The following LSP1 variants were observed in gnomAD, a reference collection of about 807,000 sequenced individuals.
The protein encoded by LSP1 is lymphocyte specific protein 1.
A neutral mutation model predicts 49.3 loss-of-function variants in LSP1; 32 were observed. That is an observed-to-expected ratio of 0.65 (90% CI 0.49 to 0.87). LSP1 has a LOEUF of 0.87. Among genes scored for constraint, LSP1 ranks in the 40% least tolerant of loss-of-function variants. The pLI is 0.00. For synonymous variants in LSP1, 179 were observed against 178.8 expected, an observed-to-expected ratio of 1.00 and a Z score of -0.01; for missense variants, 428 against 442.6, an observed-to-expected ratio of 0.97 and a Z score of 0.30.
At chr11:1,875,011 G>A (rs1221888628) in intron 1 of LSP1, among the ~76,000 whole-genome samples, 1 of 152,186 alleles carries the variant, frequency 6.6e-6, no homozygotes, top group African/African-American at 2.4e-5. Context: ...CTCCCTGTGT[G>A]ATGGGGTGGG....
intron 4 of LSP1, 77 bp downstream of exon 4, chr11:1,883,637 T>C (rs1848640475): frequency 6.7e-7 from 1 of 1,502,824 alleles, no homozygotes; most frequent in African/African-American, 1.4e-5. Context: ...TGCACCACTC[T>C]GTGGGCCCTG....
chr11:1,882,765 G>GA (rs1848598706), intron 3 of LSP1, among the ~76,000 whole-genome samples: 1 of 152,214 alleles, frequency 6.6e-6, no homozygotes, highest in East Asian at 1.9e-4. Context: ...TTGGGCGGGT[G>GA]GGTCTGGGTC....
intron 1 of LSP1, chr11:1,866,469 A>G (rs764335670): frequency 1.4e-6 from 2 of 1,474,118 alleles, no homozygotes; most frequent in South Asian, 1.4e-5. Flanking sequence ...GTGCAGATGC[A>G]GAGAGATGGC....
intron 1 of LSP1, among the ~76,000 whole-genome samples, chr11:1,854,045 T>C (rs1269915688): frequency 6.6e-6 from 1 of 151,918 alleles, no homozygotes; most frequent in Non-Finnish European, 1.5e-5. Context: ...GGAACCCGAG[T>C]TGCCCCCGGT....
chr11:1,888,900 G>A (rs1188416246), intron 10 of LSP1: 3 of 441,118 alleles, frequency 6.8e-6, no homozygotes, highest in Non-Finnish European at 1.2e-5. Context: ...CCCCTTCTCT[G>A]TTCCCCTCAC....
chr11:1,866,678 CCCAGGGGACGCTGCTGTCCA>C, intron 1 of LSP1: 1 of 1,550,554 alleles, frequency 6.4e-7, no homozygotes, highest in Non-Finnish European at 8.7e-7. Context: ...AATGTGTTTT[CCCAGGGGACGCTGCTGTCCA>C]CCAGGAGCTC....
At chr11:1,885,435 C>T (rs1193885371) in intron 7 of LSP1, among the ~76,000 whole-genome samples, 1 of 151,714 alleles carries the variant, frequency 6.6e-6, no homozygotes, top group Non-Finnish European at 1.5e-5. Flanking sequence ...TCATTCAGTG[C>T]TCCTCCATTC....
chr11:1,881,722 C>CCTCGAGGGTGGG, intron 3 of LSP1, 126 bp downstream of exon 3: 1 of 1,128,560 alleles, frequency 8.9e-7, no homozygotes, highest in Non-Finnish European at 1.2e-6. Context: ...GAGCAGGGCA[C>CCTCGAGGGTGGG]CGCGGAGCTC....
chr11:1,883,955 G>A lies in LSP1; in HGVS notation c.522G>A (p.Arg174=), dbSNP rs761512169. ...QEEHQKCQQP[R]TPSPLVLEGT... The stretch of plus-strand genomic sequence containing the variant: ...AGCACCAGAAATGTCAGCAGCCCAG[G>A]ACACCCAGCCCCTTGGTCTTGGAGG... Residue 174 remains arginine, a synonymous_variant, in exon 5 of 11, where the codon AGG becomes AGA. Transcript: ENST00000311604. The A allele has an allele frequency of 7.5e-6, 12 of 1,610,520 alleles. No homozygotes were observed. The highest frequency in any genetic ancestry group is 1.0e-5 in the Non-Finnish European group (12 of 1,178,996).
At chr11:1,882,978 C>T (rs1848607050) in intron 3 of LSP1, among the ~76,000 whole-genome samples, 3 of 152,238 alleles carry the variant, frequency 2.0e-5, no homozygotes, top group African/African-American at 7.2e-5. Flanking sequence ...CCAAATGACC[C>T]AGCCTCCAGT....
chr11:1,862,707 C>T (rs1847673371), intron 1 of LSP1, among the ~76,000 whole-genome samples: 1 of 149,080 alleles, frequency 6.7e-6, no homozygotes, highest in Non-Finnish European at 1.5e-5. Flanking sequence ...TGGGTGATCT[C>T]ACCTCCCCTG....
chr11:1,870,280 G>A (rs1407037021), intron 1 of LSP1: 2 of 1,302,862 alleles, frequency 1.5e-6, no homozygotes, highest in Non-Finnish European at 2.0e-6. Flanking sequence ...TGAGGCTCAG[G>A]GAGGCACCAA....
In LSP1 at chr11:1,883,994, G is replaced by C; in HGVS notation, c.561G>C (p.Gln187His). 1 of 1,612,906 alleles carries C rather than the reference G, an allele frequency of 6.2e-7. No individual in the cohort carries two copies. The highest frequency in any genetic ancestry group is 8.5e-7 in the Non-Finnish European group (1 of 1,179,654). Residue 187 changes from glutamine to histidine, a missense_variant, in exon 5 of 11, where the codon CAG becomes CAC. Gln to His is a conservative substitution (Grantham distance 24, BLOSUM62 0). Transcript: ENST00000311604. ...SPLVLEGTIE[Q>H]SSPPLSPTTK... ...TGGTCTTGGAGGGGACCATCGAACA[G>C]AGCTCGCCTCCCCTGAGCCCTACCA... is the stretch of plus-strand genomic sequence containing the variant.
chr11:1,870,221 C>T lies in LSP1; in HGVS notation c.54-9866C>T, dbSNP rs1434254950. 20 of 1,230,688 alleles carry T rather than the reference C, an allele frequency of 1.6e-5. No homozygotes were observed. In the East Asian group the frequency reaches 2.8e-4, roughly 17 times the overall value. The allele number at this position is 1,230,688 out of a possible 1,614,324, so 76.2% of individuals were successfully genotyped here. On this transcript the variant is annotated intron_variant, in intron 1 of 10. Coordinates refer to ENST00000311604, the MANE Select transcript of LSP1 (RefSeq NM_002339.3). Reference sequence around the variant, plus strand: ...ATCCCAAGGCCATGTGAGTCTCCCACGGCCCACTGAAGCTGGTCCTTCATA... The same window carrying T: ...ATCCCAAGGCCATGTGAGTCTCCCATGGCCCACTGAAGCTGGTCCTTCATA...
At chr11:1,872,001 T>C (rs12793357) in intron 1 of LSP1, among the ~76,000 whole-genome samples, 153 of 81,852 alleles carry the variant, frequency 1.9e-3, no homozygotes, top group Middle Eastern at 0.011. Flanking sequence ...GTCTGGCTGG[T>C]GTTGGCACCT....
chr11:1,857,781 G>A (rs1310108467), intron 1 of LSP1, among the ~76,000 whole-genome samples: 1 of 152,146 alleles, frequency 6.6e-6, no homozygotes, highest in Non-Finnish European at 1.5e-5. Context: ...TTGAGACAGA[G>A]TCTCGCTCTG....
At chr11:1,872,650 C>T (rs1848090501) in intron 1 of LSP1, among the ~76,000 whole-genome samples, 1 of 139,008 alleles carries the variant, frequency 7.2e-6, no homozygotes, top group South Asian at 2.3e-4. Context: ...TGGGGTCTGT[C>T]TGGCTGGCGT....
chr11:1,890,632 C>T (rs1266270483), intron 10 of LSP1: 1 of 676,642 alleles, frequency 1.5e-6, no homozygotes, highest in South Asian at 1.5e-5. Context: ...AGCCCTCCTC[C>T]CTCCTGAGGT....
At chr11:1,874,361 C>T (rs1268083960) in intron 1 of LSP1, among the ~76,000 whole-genome samples, 11 of 148,050 alleles carry the variant, frequency 7.4e-5, no homozygotes, top group African/African-American at 2.0e-4. Context: ...GGGGCAGTGT[C>T]GGGGTGAGGA....
Sources: gnomAD v4.1 joint callset for allele counts (sites outside exome capture counted in the v4.1 genomes callset) on GRCh38, gnomAD v4.1.1 for gene constraint, MANE v1.5 for transcripts, NCBI Gene and HGNC (gene_info 2026-07-23, HGNC 2026-07-21) for gene names.